HSD17B12: variants seen among roughly 807,000 people sequenced by gnomAD.
HSD17B12 encodes the protein hydroxysteroid 17-beta dehydrogenase 12.
Under a neutral mutation model 39.3 loss-of-function variants are expected in HSD17B12, and 32 were observed. The observed-to-expected ratio is 0.81, with a 90% CI of 0.61 to 1.09. The LOEUF (loss-of-function observed/expected upper bound fraction) is 1.09. Among genes scored for constraint, HSD17B12 ranks in the 50% least tolerant of loss-of-function variants. HSD17B12 has a pLI of 0.00. For synonymous variants in HSD17B12, 150 were observed against 146.7 expected (o/e 1.02, Z -0.16); for missense variants, 342 against 382.9 (o/e 0.89, Z 0.89).
At chr11:43,751,454 T>C (rs1363848214) in intron 2 of HSD17B12, among the ~76,000 whole-genome samples, 1 of 152,140 alleles carries the variant, frequency 6.6e-6, no homozygotes, top group East Asian at 1.9e-4. Context: ...TGAAGACCAC[T>C]GGACAAAGCA....
upstream of HSD17B12, among the ~76,000 whole-genome samples, chr11:43,677,712 G>A (rs544876843): frequency 9.9e-5 from 15 of 150,978 alleles, no homozygotes; most frequent in Admixed American, 5.3e-4. Context: ...TTGTCCTTGC[G>A]ATAGTTTGCT....
chr11:43,694,700 T>TA (rs1205246107), intron 1 of HSD17B12, among the ~76,000 whole-genome samples: 2 of 151,684 alleles, frequency 1.3e-5, no homozygotes, highest in Admixed American at 6.6e-5. Flanking sequence ...AAAAGAAACA[T>TA]AAAAGTTAAA....
chr11:43,656,032 T>G, the HSD17B12 span, among the ~76,000 whole-genome samples: 1 of 152,178 alleles, frequency 6.6e-6, no homozygotes, highest in Non-Finnish European at 1.5e-5. Context: ...ATCCATCTGG[T>G]CCTGGACTTT....
chr11:43,721,650 A>G (rs1244439643), intron 1 of HSD17B12, among the ~76,000 whole-genome samples: 1 of 152,124 alleles, frequency 6.6e-6, no homozygotes, highest in Non-Finnish European at 1.5e-5. Flanking sequence ...AGGCAGAGGA[A>G]AAAGCAAGTG....
chr11:43,778,693 A>G (rs981554292), intron 3 of HSD17B12, among the ~76,000 whole-genome samples: 78 of 148,836 alleles, frequency 5.2e-4, no homozygotes, highest in Admixed American at 9.5e-4. Context: ...ATGCAAATCA[A>G]TAAATGTAAT....
In HSD17B12 at chr11:43,839,982, T is replaced by G. The variant is rs1282502884; in HGVS notation, c.619-17T>G. 2 of 1,606,546 alleles carry G rather than the reference T, an allele frequency of 1.2e-6. No homozygotes were observed. Among genetic ancestry groups the G allele is most frequent in the Admixed American group, 3.3e-5 (2 of 59,736 alleles). The stretch of plus-strand genomic sequence containing the variant: ...TGTAATGTGTGTGTTTTCTTCTCAC[T>G]CCCACTCCCCTCCCAGACTTTTGTA... On this transcript the variant is annotated splice_polypyrimidine_tract_variant and intron_variant, in intron 8 of 10. Transcript: ENST00000278353.
the HSD17B12 span, chr11:43,670,186 T>C: frequency 6.6e-6 from 1 of 152,140 alleles, no homozygotes; most frequent in Non-Finnish European, 1.5e-5. Flanking sequence ...TAGGCTGCCA[T>C]TGGAGAGGGG....
intron 3 of HSD17B12, among the ~76,000 whole-genome samples, chr11:43,790,298 C>G (rs1950855427): frequency 6.6e-6 from 1 of 152,120 alleles, no homozygotes; most frequent in Non-Finnish European, 1.5e-5. Context: ...GAAGCAGAGT[C>G]AGATGTTCAT....
chr11:43,697,750 A>G (rs1014805376), intron 1 of HSD17B12, among the ~76,000 whole-genome samples: 2 of 152,192 alleles, frequency 1.3e-5, no homozygotes, highest in East Asian at 1.9e-4. Flanking sequence ...CATTTCAGGA[A>G]GTTTTTCTAA....
chr11:43,838,074 A>T, intron 7 of HSD17B12: 1 of 501,318 alleles, frequency 2.0e-6, no homozygotes. Flanking sequence ...TGATCTGGTT[A>T]TGCCCTGGGT....
At chr11:43,742,133 A>ATT (rs1320182279) in intron 1 of HSD17B12, among the ~76,000 whole-genome samples, 4 of 71,630 alleles carry the variant, frequency 5.6e-5, no homozygotes, top group African/African-American at 1.8e-4. Context: ...ATATATATAT[A>ATT]TATATATTTT....
chr11:43,624,125 T>C, the HSD17B12 span, among the ~76,000 whole-genome samples: 1 of 151,952 alleles, frequency 6.6e-6, no homozygotes, highest in Non-Finnish European at 1.5e-5. Flanking sequence ...TTGTCCTCAC[T>C]GATCAATTAA....
At chr11:43,695,042 C>T (rs967446108) in intron 1 of HSD17B12, among the ~76,000 whole-genome samples, 2 of 151,978 alleles carry the variant, frequency 1.3e-5, no homozygotes, top group South Asian at 2.1e-4. Context: ...AAAAATTAGC[C>T]CCAAGTGGTG....
At chr11:43,816,726 G>A (rs983213392) in intron 6 of HSD17B12, among the ~76,000 whole-genome samples, 2 of 151,890 alleles carry the variant, frequency 1.3e-5, no homozygotes, top group African/African-American at 4.8e-5. Flanking sequence ...CACTCAAGCA[G>A]TATACTCTGC....
the HSD17B12 span, among the ~76,000 whole-genome samples, chr11:43,560,589 G>A: frequency 4.5e-3 from 681 of 152,238 alleles, 3 homozygotes; most frequent in South Asian, 8.7e-3. Context: ...TACTTGCCCC[G>A]AGTCTCACTG....
chr11:43,753,387 T>G (rs2134946714), intron 2 of HSD17B12, among the ~76,000 whole-genome samples: 1 of 141,760 alleles, frequency 7.1e-6, no homozygotes, highest in Admixed American at 7.1e-5. Flanking sequence ...GCAAAAACTT[T>G]TTTTTTTTTT....
At chr11:43,826,268 A>G (rs549879561) in intron 6 of HSD17B12, among the ~76,000 whole-genome samples, 14 of 151,886 alleles carry the variant, frequency 9.2e-5, no homozygotes, top group Non-Finnish European at 1.8e-4. Flanking sequence ...TATTTTTAGT[A>G]GAGACGGAGT....
Position 43,855,282 on chromosome 11 carries a change from C to A in HSD17B12, c.*34C>A. On this transcript the variant is annotated 3_prime_UTR_variant, in exon 11 of 11. Transcript: ENST00000278353. ...AACTGCATTGTAACTTGGCCAGATGCTCCAGCATATGCACGTTCACTGCAA... is the reference window on the plus strand; with the variant it reads ...AACTGCATTGTAACTTGGCCAGATGATCCAGCATATGCACGTTCACTGCAA... 2 of 1,370,242 alleles carry A rather than the reference C, an allele frequency of 1.5e-6. No individual in the cohort carries two copies. Among genetic ancestry groups the A allele is most frequent in the South Asian group, 1.2e-5 (1 of 80,206 alleles). The allele number at this position is 1,370,242 out of a possible 1,614,324, so 84.9% of individuals were successfully genotyped here. A position where few individuals can be genotyped will look rare whatever the true frequency, so the allele number is the denominator to read the frequency against.
chr11:43,697,126 A>G (rs1949919483), intron 1 of HSD17B12, among the ~76,000 whole-genome samples: 2 of 152,206 alleles, frequency 1.3e-5, no homozygotes, highest in South Asian at 2.1e-4. Context: ...GCACATGTAT[A>G]CTTATGTAAG....
Sources: gnomAD v4.1 joint callset for allele counts (sites outside exome capture counted in the v4.1 genomes callset) on GRCh38, gnomAD v4.1.1 for gene constraint, MANE v1.5 for transcripts, NCBI Gene and HGNC (gene_info 2026-07-23, HGNC 2026-07-21) for gene names.